The following MAPK9 variants were observed in gnomAD, a reference collection of about 807,000 sequenced individuals.
MAPK9 encodes the protein mitogen-activated protein kinase 9.
In MAPK9, 30 loss-of-function variants were observed where a neutral mutation model predicts 57.1. That is an observed-to-expected ratio of 0.53 (90% CI 0.39 to 0.71). The LOEUF (loss-of-function observed/expected upper bound fraction) is 0.71, where lower values mean the gene tolerates loss of function less well. Ranked by LOEUF, MAPK9 falls within the 30% of genes least tolerant of loss-of-function variation. The pLI is 0.00. For missense variants in MAPK9, 362 were observed against 521.0 expected, an observed-to-expected ratio of 0.69 and a Z score of 2.97; for synonymous variants, 155 against 177.0, an observed-to-expected ratio of 0.88 and a Z score of 0.99.
chr5:180,285,071 G>T (rs1762621489), intron 1 of MAPK9, among the ~76,000 whole-genome samples: 1 of 152,164 alleles, frequency 6.6e-6, no homozygotes, highest in Non-Finnish European at 1.5e-5. Context: ...GCTGCAGAAT[G>T]ATCATTTGAC....
At chr5:180,269,070 T>C (rs1581259173) in intron 3 of MAPK9, among the ~76,000 whole-genome samples, 1 of 151,626 alleles carries the variant, frequency 6.6e-6, no homozygotes, top group Non-Finnish European at 1.5e-5. Context: ...ACCCGGGAGG[T>C]GGAGCTTGCA....
At position 180,269,307 on chromosome 5, in the gene MAPK9, G is replaced by A; in HGVS notation, c.225C>T (p.Val75=). The change falls in exon 3 of 12, where the codon GTC becomes GTT. Residue 75 remains valine (V), a synonymous_variant. Transcript: ENST00000452135. ...TTTTATGATTGACACATTTTAAGAG[G>A]ACAAGTTCACGATAAGCTCTCTTTG... The part of the protein sequence containing the change: ...THAKRAYREL[V]LLKCVNHKNI... 1.2e-6 allele frequency: 2 copies of A among 1,613,796 alleles called. No homozygotes were observed. Among genetic ancestry groups the A allele is most frequent in the South Asian group, 1.1e-5 (1 of 91,056 alleles).
intron 3 of MAPK9, among the ~76,000 whole-genome samples, chr5:180,267,671 C>T (rs1195778636): frequency 6.6e-6 from 1 of 151,934 alleles, no homozygotes; most frequent in Admixed American, 6.6e-5. Flanking sequence ...TTAAGATCAG[C>T]CTAGACAAGG....
chr5:180,285,701 A>T (rs1762676571), intron 1 of MAPK9, among the ~76,000 whole-genome samples: 1 of 151,820 alleles, frequency 6.6e-6, no homozygotes, highest in African/African-American at 2.4e-5. Flanking sequence ...AGGTGGGAGG[A>T]TCACTTAAGC....
At chr5:180,268,528 TTTA>T (rs1401245134) in intron 3 of MAPK9, among the ~76,000 whole-genome samples, 2 of 152,212 alleles carry the variant, frequency 1.3e-5, no homozygotes, top group Non-Finnish European at 2.9e-5. Flanking sequence ...TTCCTCAATG[TTTA>T]TTAAGAATTT....
At chr5:180,245,869 T>C (rs1758048867) in intron 7 of MAPK9, among the ~76,000 whole-genome samples, 1 of 152,210 alleles carries the variant, frequency 6.6e-6, no homozygotes, top group African/African-American at 2.4e-5. Context: ...CAGTCTGATT[T>C]CTGCAACTTT....
intron 1 of MAPK9, among the ~76,000 whole-genome samples, chr5:180,291,608 C>T (rs376718901): frequency 6.6e-6 from 1 of 151,980 alleles, no homozygotes; most frequent in South Asian, 2.1e-4. Context: ...GCCCGCAGAC[C>T]CCACGGGCAG....
intron 7 of MAPK9, among the ~76,000 whole-genome samples, chr5:180,243,322 C>A (rs1432556082): frequency 6.6e-6 from 1 of 152,186 alleles, no homozygotes; most frequent in African/African-American, 2.4e-5. Flanking sequence ...CTAGGTAATG[C>A]ATTTTATTTC....
chr5:180,271,555 G>A (rs1235715914), intron 2 of MAPK9, among the ~76,000 whole-genome samples: 1 of 152,152 alleles, frequency 6.6e-6, no homozygotes, highest in Non-Finnish European at 1.5e-5. Flanking sequence ...TTCTGCTTAC[G>A]TAAAATGAGA....
chr5:180,240,925 A>ATGGAGAAC, intron 9 of MAPK9, 106 bp downstream of exon 9: 1 of 1,327,202 alleles, frequency 7.5e-7, no homozygotes. Context: ...GAGCCCCCAA[A>ATGGAGAAC]TGGAGAACTT....
At chr5:180,243,070 A>C (rs975995309) in intron 7 of MAPK9, among the ~76,000 whole-genome samples, 1 of 152,256 alleles carries the variant, frequency 6.6e-6, no homozygotes, top group African/African-American at 2.4e-5. Context: ...ATGATTAAAC[A>C]CGAAATTAGA....
At chr5:180,259,816 T>G (rs191824373) in intron 5 of MAPK9, among the ~76,000 whole-genome samples, 194 of 152,370 alleles carry the variant, frequency 1.3e-3, no homozygotes, top group Non-Finnish European at 2.4e-3. Context: ...AGAGAAACCC[T>G]ATGACTGTAA....
Position 180,242,569 on chromosome 5 carries a change from T to C in MAPK9, c.871+4A>G. On this transcript the variant is annotated splice_donor_region_variant and intron_variant, in intron 8 of 11. Transcript: ENST00000452135. ...ACAAGTATAAGAAAAAAAGGATATC[T>C]TACTTTTTATTTTGTCTCGCTCAGA... is the stretch of plus-strand genomic sequence containing the variant. The C allele has an allele frequency of 6.2e-7, 1 of 1,604,112 alleles. No individual in the cohort carries two copies. The highest frequency in any genetic ancestry group is 8.5e-7 in the Non-Finnish European group (1 of 1,174,174).
chr5:180,268,378 C>T (rs1760894868), intron 3 of MAPK9, among the ~76,000 whole-genome samples: 1 of 152,308 alleles, frequency 6.6e-6, no homozygotes, highest in African/African-American at 2.4e-5. Flanking sequence ...CATCTTTCCA[C>T]AAAATATTTA....
At chr5:180,274,951 T>C (rs1016112823) in intron 2 of MAPK9, among the ~76,000 whole-genome samples, 2 of 152,176 alleles carry the variant, frequency 1.3e-5, no homozygotes, top group Admixed American at 6.5e-5. Context: ...ACATATTAAA[T>C]TCATAATTCA....
Position 180,279,246 on chromosome 5 carries a change from G to A in MAPK9, c.122+1194C>T, listed in dbSNP as rs570184682. 3.9e-5 allele frequency among the ~76,000 whole-genome samples: 6 copies of A among 152,260 alleles called. No homozygotes were observed. The South Asian group carries it at 8.3e-4, about 21-fold the overall frequency. ...GCTGGGATTACAGGCGTGAGCCACC[G>A]TGCCCGGCCACCTTTAACACTTCTT... On this transcript the variant is annotated intron_variant, in intron 2 of 11. Transcript: ENST00000452135.
At chr5:180,241,452 C>A (rs1250187700) in intron 8 of MAPK9, among the ~76,000 whole-genome samples, 1 of 152,106 alleles carries the variant, frequency 6.6e-6, no homozygotes, top group Non-Finnish European at 1.5e-5. Flanking sequence ...CGTCTGCCAC[C>A]ATGCCCGGAT....
intron 2 of MAPK9, among the ~76,000 whole-genome samples, chr5:180,273,057 C>CA (rs1406399066): frequency 6.6e-6 from 1 of 152,196 alleles, no homozygotes; most frequent in Non-Finnish European, 1.5e-5. Flanking sequence ...TTGGTATCAC[C>CA]AACAGCTTAG....
At chr5:180,267,310 C>T (rs1174458419) in intron 3 of MAPK9, among the ~76,000 whole-genome samples, 4 of 151,516 alleles carry the variant, frequency 2.6e-5, no homozygotes, top group African/African-American at 4.8e-5. Context: ...GCCTGTAATC[C>T]CAGCACTTTG....
Sources: allele counts gnomAD v4.1 joint callset (sites outside exome capture counted in the v4.1 genomes callset), GRCh38; gene constraint gnomAD v4.1.1; transcripts MANE v1.5; gene names NCBI Gene and HGNC (gene_info 2026-07-23, HGNC 2026-07-21).